Variants in CNTN4 observed in about 807,000 individuals in gnomAD.
CNTN4 encodes contactin-4.
CNTN4 carries 77 observed loss-of-function variants against 122.5 expected under a neutral mutation model. The ratio of observed to expected loss-of-function variants is 0.63; its 90% CI spans 0.52 to 0.76. CNTN4 has a LOEUF of 0.76. CNTN4 is among the 30% of genes least tolerant of loss of function. CNTN4 has a pLI of 0.00. For synonymous variants in CNTN4, 512 were observed against 447.0 expected, an observed-to-expected ratio of 1.15 and a Z score of -1.83; for missense variants, 1,256 against 1,259.1, an observed-to-expected ratio of 1.00 and a Z score of 0.04.
intron 13 of CNTN4, among the ~76,000 whole-genome samples, chr3:2,966,202 G>T (rs1032335814): frequency 6.6e-6 from 1 of 152,048 alleles, no homozygotes; most frequent in East Asian, 1.9e-4. Flanking sequence ...AATATTGGCT[G>T]TTAACTGTTC....
intron 4 of CNTN4, among the ~76,000 whole-genome samples, chr3:2,667,740 C>A (rs911762623): frequency 7.3e-6 from 1 of 136,848 alleles, no homozygotes; most frequent in Non-Finnish European, 1.6e-5. Flanking sequence ...ACGTTTAAAT[C>A]TTTAATCCAT....
intron 7 of CNTN4, among the ~76,000 whole-genome samples, chr3:2,852,985 G>A (rs1251649331): frequency 6.6e-6 from 1 of 152,042 alleles, no homozygotes; most frequent in Non-Finnish European, 1.5e-5. Context: ...CAGTTTTTAC[G>A]CAGAACTATT....
intron 4 of CNTN4, among the ~76,000 whole-genome samples, chr3:2,701,252 C>T (rs571574614): frequency 6.6e-5 from 10 of 152,288 alleles, no homozygotes; most frequent in Non-Finnish European, 1.5e-5. Flanking sequence ...GCCCACTCTA[C>T]AAAATGCATC....
chr3:2,215,943 G>C (rs936562002), intron 2 of CNTN4, among the ~76,000 whole-genome samples: 2 of 150,626 alleles, frequency 1.3e-5, no homozygotes, highest in South Asian at 4.2e-4. Flanking sequence ...TGGTGGGAGT[G>C]TAAATTAGTT....
intron 3 of CNTN4, among the ~76,000 whole-genome samples, chr3:2,455,777 C>A (rs2048976574): frequency 6.6e-6 from 1 of 151,714 alleles, no homozygotes; most frequent in African/African-American, 2.4e-5. Context: ...TTGTGTAGTC[C>A]CTGAAAGAGA....
intron 6 of CNTN4, among the ~76,000 whole-genome samples, chr3:2,780,427 T>C (rs903856407): frequency 3.9e-5 from 6 of 152,202 alleles, no homozygotes; most frequent in African/African-American, 7.2e-5. Flanking sequence ...ACTCTCAATA[T>C]AGAGGCATGT....
chr3:2,867,102 C>T (rs1263138636), intron 8 of CNTN4, among the ~76,000 whole-genome samples, 153 bp downstream of exon 8: 2 of 152,120 alleles, frequency 1.3e-5, no homozygotes, highest in Non-Finnish European at 2.9e-5. Context: ...ATTTTCTCCA[C>T]TTGTGTAAGA....
chr3:2,260,069 A>C (rs900878699), intron 2 of CNTN4, among the ~76,000 whole-genome samples: 14 of 152,166 alleles, frequency 9.2e-5, no homozygotes, highest in Non-Finnish European at 2.1e-4. Context: ...CTTGGCTACA[A>C]TTACAGTTTT....
At chr3:2,790,843 A>T (rs951321423) in intron 6 of CNTN4, among the ~76,000 whole-genome samples, 11 of 152,190 alleles carry the variant, frequency 7.2e-5, no homozygotes, top group African/African-American at 2.7e-4. Context: ...AATCTTGCAC[A>T]TAAAATTGAT....
intron 3 of CNTN4, among the ~76,000 whole-genome samples, chr3:2,354,549 AT>A (rs1380965962): frequency 1.3e-5 from 2 of 152,182 alleles, no homozygotes; most frequent in African/African-American, 4.8e-5. Flanking sequence ...AAACCTGAAT[AT>A]TTTGAACCTT....
chr3:2,970,977 G>C (rs1238527899), intron 13 of CNTN4, among the ~76,000 whole-genome samples: 5 of 152,036 alleles, frequency 3.3e-5, no homozygotes, highest in African/African-American at 4.8e-5. Context: ...CATAAAGACA[G>C]GGTTTCACCA....
In CNTN4 at chr3:2,366,560, C is replaced by T. The variant is rs554307436; in HGVS notation, c.-89+27327C>T. Among the ~76,000 whole-genome samples, 686 of 151,720 alleles carry T rather than the reference C, an allele frequency of 4.5e-3. 8 individuals are homozygous for T. The highest frequency in any genetic ancestry group is 0.015 in the African/African-American group (622 of 41,404). On this transcript the variant is annotated intron_variant, in intron 3 of 24. Transcript: ENST00000418658. ...GGCTAACATGGTGAAACCCTGTCTCCACTAAAAATACAAAAAATTAGCCAG... is the reference window on the plus strand; with the variant it reads ...GGCTAACATGGTGAAACCCTGTCTCTACTAAAAATACAAAAAATTAGCCAG...
chr3:2,142,403 C>T (rs929968247), intron 2 of CNTN4, among the ~76,000 whole-genome samples: 3 of 150,846 alleles, frequency 2.0e-5, no homozygotes, highest in East Asian at 1.9e-4. Context: ...CTCATTCTGT[C>T]GCCCAGGCTG....
In CNTN4 at chr3:2,866,759, T is replaced by G; in HGVS notation, c.462T>G (p.Ser154Arg). Residue 154 changes from serine to arginine, a missense_variant, in exon 8 of 25, where the codon AGT (serine) becomes AGG (arginine). Transcript: ENST00000418658. Reference protein sequence around the residue: ...CGPPPHSGELSYAWIFNEYPS... With the variant: ...CGPPPHSGELRYAWIFNEYPS... The stretch of plus-strand genomic sequence containing the variant: ...AGATTTTTTTCCTTTCAGAGCTGAG[T>G]TATGCCTGGATCTTCAATGAATACC... The G allele has an allele frequency of 1.9e-6, 3 of 1,613,822 alleles. No individual in the cohort carries two copies. Among genetic ancestry groups the G allele is most frequent in the Non-Finnish European group, 2.5e-6 (3 of 1,179,764 alleles).
At chr3:3,009,562 T>C (rs1252531334) in intron 14 of CNTN4, among the ~76,000 whole-genome samples, 1 of 147,372 alleles carries the variant, frequency 6.8e-6, no homozygotes, top group Non-Finnish European at 1.5e-5. Context: ...GCTTCCCGAG[T>C]AGCTGGGACT....
intron 4 of CNTN4, among the ~76,000 whole-genome samples, chr3:2,618,141 A>G (rs2149895539): frequency 6.6e-6 from 1 of 152,278 alleles, no homozygotes; most frequent in East Asian, 1.9e-4. Context: ...GGTATGGGGG[A>G]ATGGATAATG....
At chr3:2,402,439 A>G (rs116598375) in intron 3 of CNTN4, among the ~76,000 whole-genome samples, 1 of 152,088 alleles carries the variant, frequency 6.6e-6, no homozygotes, top group South Asian at 2.1e-4. Flanking sequence ...GTAGTCGTAC[A>G]TATTAAAGGG....
intron 4 of CNTN4, among the ~76,000 whole-genome samples, chr3:2,724,603 C>T (rs1254916810): frequency 6.7e-6 from 1 of 150,022 alleles, no homozygotes; most frequent in East Asian, 1.9e-4. Context: ...TAGAGAAAGA[C>T]AGAAGTAGGG....
chr3:2,995,963 C>T (rs1354502820), intron 14 of CNTN4, among the ~76,000 whole-genome samples: 2 of 151,912 alleles, frequency 1.3e-5, no homozygotes, highest in Non-Finnish European at 2.9e-5. Context: ...AAAGAAAATA[C>T]AAGGAAATTA....
Sources: gnomAD v4.1 joint callset for allele counts (sites outside exome capture counted in the v4.1 genomes callset) on GRCh38, gnomAD v4.1.1 for gene constraint, MANE v1.5 for transcripts, NCBI Gene and HGNC (gene_info 2026-07-23, HGNC 2026-07-21) for gene names.